GABRB3: variants seen among roughly 807,000 people sequenced by gnomAD.
The protein encoded by GABRB3 is gamma-aminobutyric acid receptor subunit beta-3.
In GABRB3, 14 loss-of-function variants were observed where a neutral mutation model predicts 52.1. The observed-to-expected ratio is 0.27, with a 90% CI of 0.18 to 0.42. GABRB3 has a LOEUF of 0.42. GABRB3 is among the 10% of genes least tolerant of loss of function. The probability of loss-of-function intolerance (pLI) is 1.00; values close to 1 mark genes in which losing one functional copy is unlikely to be tolerated. For synonymous variants in GABRB3, 260 were observed against 232.3 expected (o/e 1.12, Z -1.08); for missense variants, 307 against 609.1 (o/e 0.50, Z 5.22).
At chr15:26,645,430 G>A (rs1247076652) in intron 3 of GABRB3, among the ~76,000 whole-genome samples, 1 of 152,204 alleles carries the variant, frequency 6.6e-6, no homozygotes, top group African/African-American at 2.4e-5. Flanking sequence ...CCACTCCTGT[G>A]AGGTATGGTG....
Position 26,606,776 on chromosome 15 carries a change from A to C in GABRB3, c.461+14538T>G, listed in dbSNP as rs371364080. On this transcript the variant is annotated intron_variant, in intron 4 of 8. Transcript: ENST00000311550. Reference sequence around the variant, plus strand: ...CATACATATCTGTCTATCTATAGATAGATAGATATATCTATAGATAGATAT... The same window carrying C: ...CATACATATCTGTCTATCTATAGATCGATAGATATATCTATAGATAGATAT... Among the ~76,000 whole-genome samples, 748 of 118,058 alleles carry C rather than the reference A, an allele frequency of 6.3e-3. 17 individuals carry two copies. The highest frequency in any genetic ancestry group is 1.0e-2 in the South Asian group (40 of 4,016). The allele number at this position is 118,058 out of a possible 152,430, so 77.5% of individuals were successfully genotyped here.
chr15:26,716,851 C>A, intron 3 of GABRB3: 1 of 1,097,456 alleles, frequency 9.1e-7, no homozygotes, highest in Admixed American at 4.0e-5. Context: ...CAACCACAGC[C>A]CAGCTCTGAG....
intron 8 of GABRB3, among the ~76,000 whole-genome samples, chr15:26,550,435 CAT>C (rs1889415241): frequency 6.6e-6 from 1 of 152,144 alleles, no homozygotes; most frequent in Admixed American, 6.5e-5. Context: ...ATCAAAGCCA[CAT>C]GAGATATCAT....
rs1177338922 is a variant in GABRB3 at position 26,567,880 on chromosome 15, C to T, written c.683-147G>A. ...CCACCAAGCAGTTTGCTTCTGTCTGCTAGCGGTATTTATAGAAGAATTAGG... is the reference window on the plus strand; with the variant it reads ...CCACCAAGCAGTTTGCTTCTGTCTGTTAGCGGTATTTATAGAAGAATTAGG... On this transcript the variant is annotated intron_variant, in intron 6 of 8. Transcript: ENST00000311550. The T allele has an allele frequency of 1.6e-4, 120 of 743,340 alleles. 1 individual carries two copies. The South Asian group carries it at 1.8e-3, about 11-fold the overall frequency. The allele number at this position is 743,340 out of a possible 1,614,324, so 46.0% of individuals were successfully genotyped here. A position where few individuals can be genotyped will look rare whatever the true frequency, so the allele number is the denominator to read the frequency against.
chr15:26,755,092 C>T (rs1447728783), intron 3 of GABRB3, among the ~76,000 whole-genome samples: 2 of 150,110 alleles, frequency 1.3e-5, no homozygotes, highest in East Asian at 4.0e-4. Context: ...CAACCTCCAA[C>T]TCCTTGGTTC....
chr15:26,610,468 G>A (rs1409772042), intron 4 of GABRB3, among the ~76,000 whole-genome samples: 1 of 152,164 alleles, frequency 6.6e-6, no homozygotes, highest in Non-Finnish European at 1.5e-5. Context: ...TTGTGCTTTG[G>A]TGGTTGATTG....
chr15:26,752,605 A>C (rs754515538), intron 3 of GABRB3, among the ~76,000 whole-genome samples: 1 of 152,064 alleles, frequency 6.6e-6, no homozygotes, highest in Non-Finnish European at 1.5e-5. Context: ...TTCTTAATTT[A>C]TGAATAAAAA....
intron 8 of GABRB3, among the ~76,000 whole-genome samples, chr15:26,551,455 ACACACACGGCATGCC>A (rs1889458859): frequency 6.6e-6 from 1 of 152,240 alleles, no homozygotes; most frequent in Middle Eastern, 3.4e-3. Flanking sequence ...AAGCCTCGAG[ACACACACGGCATGCC>A]CACAGCAGCA....
At chr15:26,737,167 G>T (rs1007511940) in intron 3 of GABRB3, among the ~76,000 whole-genome samples, 7 of 152,288 alleles carry the variant, frequency 4.6e-5, no homozygotes, top group African/African-American at 1.7e-4. Flanking sequence ...TATCTGACTG[G>T]AAAAGTGGTC....
chr15:26,618,497 C>T (rs1484368829), intron 4 of GABRB3, among the ~76,000 whole-genome samples: 2 of 152,064 alleles, frequency 1.3e-5, no homozygotes, highest in African/African-American at 2.4e-5. Flanking sequence ...CTTCCTTACA[C>T]CTTATACAAA....
chr15:26,558,862 AG>A (rs1889864657), intron 8 of GABRB3, among the ~76,000 whole-genome samples: 1 of 152,146 alleles, frequency 6.6e-6, no homozygotes, highest in African/African-American at 2.4e-5. Flanking sequence ...AAAGAAAGAA[AG>A]AAATACCTGA....
intron 4 of GABRB3, among the ~76,000 whole-genome samples, chr15:26,589,749 C>T (rs1891123957): frequency 6.6e-6 from 1 of 152,188 alleles, no homozygotes; most frequent in Non-Finnish European, 1.5e-5. Flanking sequence ...TTGCTCCTGT[C>T]CACGGTTCTC....
chr15:26,602,752 A>G (rs1348356987), intron 4 of GABRB3, among the ~76,000 whole-genome samples: 1 of 152,144 alleles, frequency 6.6e-6, no homozygotes, highest in East Asian at 1.9e-4. Flanking sequence ...CCTATGGTAT[A>G]TAGCAAAAGC....
Position 26,546,910 on chromosome 15 carries a change from T to C in GABRB3, c.*883A>G, listed in dbSNP as rs1889268129. On this transcript the variant is annotated 3_prime_UTR_variant, in exon 9 of 9. Coordinates refer to ENST00000311550, the MANE Select transcript of GABRB3 (RefSeq NM_000814.6). ...AGACGTCTATGCTTTCTGTTGGATA[T>C]CAGGCCTAGAAATCCATACGAGATG... 1 of 151,636 alleles carries C rather than the reference T, an allele frequency of 6.6e-6. No homozygotes were observed. The highest frequency in any genetic ancestry group is 2.1e-4 in the South Asian group (1 of 4,788). The allele number at this position is 151,636 out of a possible 1,614,324, so 9.4% of individuals were successfully genotyped here.
At chr15:26,580,585 C>T (rs1890754173) in intron 5 of GABRB3, 129 bp from the exon 6 acceptor site, 5 of 1,162,458 alleles carry the variant, frequency 4.3e-6, no homozygotes, top group Non-Finnish European at 6.4e-6. Flanking sequence ...ATGTGCTTGT[C>T]TAGGGGAAGT....
chr15:26,672,479 A>G (rs1347481858), intron 3 of GABRB3, among the ~76,000 whole-genome samples: 6 of 152,122 alleles, frequency 3.9e-5, no homozygotes, highest in African/African-American at 2.4e-5. Flanking sequence ...GAAGATTGGT[A>G]TCAGCTCTCA....
Position 26,581,150 on chromosome 15 carries a change from T to C in GABRB3, c.545-694A>G, listed in dbSNP as rs543786503. 59 of 160,648 alleles carry C rather than the reference T, an allele frequency of 3.7e-4. 1 individual carries two copies. The highest frequency in any genetic ancestry group is 7.1e-4 in the Non-Finnish European group (51 of 72,194). The allele number at this position is 160,648 out of a possible 1,614,324, so 10.0% of individuals were successfully genotyped here. ...TATTTACAGCGTGATTCATCATGGC[T>C]TCTTGAGGATGAGTAAGTGGGGCAA... On this transcript the variant is annotated intron_variant, in intron 5 of 8. Transcript: ENST00000311550.
Position 26,760,162 on chromosome 15 carries a change from G to A in GABRB3, c.240+12240C>T, listed in dbSNP as rs138490473. On this transcript the variant is annotated intron_variant, in intron 3 of 8. Coordinates refer to ENST00000311550, the MANE Select transcript of GABRB3 (RefSeq NM_000814.6). ...CAAGCTGCCAGAGGAGATGGGCTCC[G>A]TGCCACTGACCACCATGTGGACAAC... is the stretch of plus-strand genomic sequence containing the variant. Among the ~76,000 whole-genome samples, 15 of 152,338 alleles carry A rather than the reference G, an allele frequency of 9.8e-5. No homozygotes were observed. In the East Asian group the frequency reaches 2.3e-3, roughly 24 times the overall value.
At chr15:26,722,666 A>C (rs1347109080) in intron 3 of GABRB3, among the ~76,000 whole-genome samples, 1 of 152,168 alleles carries the variant, frequency 6.6e-6, no homozygotes, top group African/African-American at 2.4e-5. Flanking sequence ...ATAGATAGGG[A>C]AACCAAGGCC....
Sources: allele counts gnomAD v4.1 joint callset (sites outside exome capture counted in the v4.1 genomes callset), GRCh38; gene constraint gnomAD v4.1.1; transcripts MANE v1.5; gene names NCBI Gene and HGNC (gene_info 2026-07-23, HGNC 2026-07-21).